The following LINGO2 variants were observed in gnomAD, a reference collection of about 807,000 sequenced individuals.
The protein encoded by LINGO2 is leucine rich repeat and Ig domain containing 2.
LINGO2 carries 14 observed loss-of-function variants against 30.6 expected under a neutral mutation model. The observed-to-expected ratio is 0.46, with a 90% CI of 0.30 to 0.72. The LOEUF (loss-of-function observed/expected upper bound fraction) is 0.72, where lower values mean the gene tolerates loss of function less well. LINGO2 is among the 30% of genes least tolerant of loss of function. The pLI is 0.07. For synonymous variants in LINGO2, 317 were observed against 288.5 expected, an observed-to-expected ratio of 1.10 and a Z score of -1.00; for missense variants, 729 against 751.7, an observed-to-expected ratio of 0.97 and a Z score of 0.35.
intron 4 of LINGO2, among the ~76,000 whole-genome samples, chr9:28,188,825 C>G (rs1023995400): frequency 6.6e-6 from 1 of 152,072 alleles, no homozygotes; most frequent in Non-Finnish European, 1.5e-5. Context: ...GTGACAACAT[C>G]ATCATTTACG....
intron 1 of LINGO2, among the ~76,000 whole-genome samples, chr9:28,514,310 T>TA (rs1820532572): frequency 6.6e-6 from 1 of 152,014 alleles, no homozygotes; most frequent in South Asian, 2.1e-4. Context: ...TTATTTTAAA[T>TA]AAAAAACTAA....
intron 1 of LINGO2, among the ~76,000 whole-genome samples, chr9:28,497,659 C>T (rs1564243529): frequency 6.6e-6 from 1 of 152,208 alleles, no homozygotes; most frequent in Non-Finnish European, 1.5e-5. Context: ...TCTCTCAACT[C>T]ATCAAAGTCA....
At chr9:28,108,010 G>A (rs1402208517) in intron 4 of LINGO2, among the ~76,000 whole-genome samples, 1 of 152,080 alleles carries the variant, frequency 6.6e-6, no homozygotes, top group African/African-American at 2.4e-5. Context: ...ACACAGATAT[G>A]AAAATAATAG....
At chr9:28,558,517 G>T (rs929378174) in intron 1 of LINGO2, among the ~76,000 whole-genome samples, 2 of 152,146 alleles carry the variant, frequency 1.3e-5, no homozygotes, top group South Asian at 2.1e-4. Context: ...TTCTAGTAGG[G>T]GGAGTGAAGA....
chr9:28,858,571 C>T, the LINGO2 span, among the ~76,000 whole-genome samples: 9 of 151,998 alleles, frequency 5.9e-5, no homozygotes, highest in Non-Finnish European at 1.2e-4. Flanking sequence ...CTCTAAAATG[C>T]GGGTTTCATC....
chr9:28,374,102 C>T (rs10968542), intron 2 of LINGO2, among the ~76,000 whole-genome samples: 52,042 of 151,260 alleles, frequency 0.34, 10,288 homozygotes, highest in Non-Finnish European at 0.42. Context: ...ATTTTATAGA[C>T]GAAGGACATG....
chr9:28,303,057 A>G (rs1824208700), intron 3 of LINGO2, among the ~76,000 whole-genome samples: 1 of 152,154 alleles, frequency 6.6e-6, no homozygotes, highest in African/African-American at 2.4e-5. Context: ...TCCCACATCA[A>G]GAATAAAGCC....
chr9:28,629,878 T>C (rs1395851202), intron 1 of LINGO2, among the ~76,000 whole-genome samples: 1 of 151,880 alleles, frequency 6.6e-6, no homozygotes, highest in East Asian at 1.9e-4. Context: ...ACTTAAAAAG[T>C]TTCATCTAGC....
chr9:28,619,774 A>G (rs1269732543), intron 1 of LINGO2, among the ~76,000 whole-genome samples: 1 of 152,090 alleles, frequency 6.6e-6, no homozygotes, highest in Non-Finnish European at 1.5e-5. Flanking sequence ...TATTTTTGTA[A>G]GTGGTAGTAA....
the LINGO2 span, among the ~76,000 whole-genome samples, chr9:29,020,308 CT>C: frequency 2.0e-5 from 3 of 152,150 alleles, no homozygotes; most frequent in South Asian, 6.2e-4. Flanking sequence ...CCACATAGTA[CT>C]GTTATACATA....
At chr9:27,972,721 T>A (rs994966466) in intron 5 of LINGO2, among the ~76,000 whole-genome samples, 2 of 152,204 alleles carry the variant, frequency 1.3e-5, no homozygotes, top group Non-Finnish European at 2.9e-5. Context: ...TCAGAAGTTA[T>A]TTTTCCACCT....
intron 3 of LINGO2, among the ~76,000 whole-genome samples, chr9:28,309,925 T>C (rs1824543700): frequency 6.6e-6 from 1 of 152,052 alleles, no homozygotes; most frequent in East Asian, 1.9e-4. Flanking sequence ...ATGTGATTAG[T>C]TCTCCAGCAA....
chr9:28,814,311 C>G, the LINGO2 span, among the ~76,000 whole-genome samples: 6,295 of 152,204 alleles, frequency 0.041, 195 homozygotes, highest in Admixed American at 0.081. Context: ...GTGGTGCACG[C>G]CTGTAGTCCC....
chr9:28,274,763 G>C (rs1485876523), intron 4 of LINGO2, among the ~76,000 whole-genome samples: 1 of 152,138 alleles, frequency 6.6e-6, no homozygotes, highest in Non-Finnish European at 1.5e-5. Context: ...ACACGATAGG[G>C]TGCTTCTTTC....
the LINGO2 span, among the ~76,000 whole-genome samples, chr9:28,814,910 G>A: frequency 2.6e-5 from 4 of 152,142 alleles, no homozygotes; most frequent in Admixed American, 2.6e-4. Flanking sequence ...AGATGGTAAG[G>A]GGGCCTAGAT....
At chr9:28,531,054 T>A (rs1038112411) in intron 1 of LINGO2, among the ~76,000 whole-genome samples, 2 of 147,898 alleles carry the variant, frequency 1.4e-5, no homozygotes, top group African/African-American at 4.9e-5. Context: ...AATAAATATA[T>A]ATATATATAT....
chr9:29,189,172 G>A, the LINGO2 span, among the ~76,000 whole-genome samples: 1 of 147,822 alleles, frequency 6.8e-6, no homozygotes, highest in Non-Finnish European at 1.5e-5. Flanking sequence ...CTCCTGGACG[G>A]GGCGGCTGGC....
At chr9:29,039,725 C>G in the LINGO2 span, among the ~76,000 whole-genome samples, 1 of 152,146 alleles carries the variant, frequency 6.6e-6, no homozygotes, top group African/African-American at 2.4e-5. Context: ...CAGGGACAGG[C>G]CTGGTTTTCT....
intron 4 of LINGO2, among the ~76,000 whole-genome samples, chr9:28,119,375 G>C (rs946954108): frequency 6.6e-5 from 10 of 152,152 alleles, no homozygotes; most frequent in African/African-American, 2.4e-4. Context: ...GTAGTTAGAA[G>C]CATGGGGTCT....
Sources: allele counts gnomAD v4.1 joint callset (sites outside exome capture counted in the v4.1 genomes callset), GRCh38; gene constraint gnomAD v4.1.1; transcripts MANE v1.5; gene names NCBI Gene and HGNC (gene_info 2026-07-23, HGNC 2026-07-21).